The following OSBPL10 variants were observed in gnomAD, a reference collection of about 807,000 sequenced individuals.
OSBPL10 encodes oxysterol-binding protein-related protein 10.
A neutral mutation model predicts 81.7 loss-of-function variants in OSBPL10; 49 were observed. That is an observed-to-expected ratio of 0.60 (90% CI 0.48 to 0.76). The LOEUF (loss-of-function observed/expected upper bound fraction) is 0.76. Among genes scored for constraint, OSBPL10 ranks in the 30% least tolerant of loss-of-function variants. OSBPL10 has a pLI of 0.00. For synonymous variants in OSBPL10, 419 were observed against 383.6 expected, an observed-to-expected ratio of 1.09 and a Z score of -1.08; for missense variants, 923 against 987.8, an observed-to-expected ratio of 0.93 and a Z score of 0.88.
chr3:31,773,486 T>C (rs1698442221), intron 4 of OSBPL10, among the ~76,000 whole-genome samples: 1 of 152,200 alleles, frequency 6.6e-6, no homozygotes, highest in African/African-American at 2.4e-5. Context: ...CTTAGAAATG[T>C]TGCTAACACA....
intron 2 of OSBPL10, among the ~76,000 whole-genome samples, chr3:32,021,407 TAAG>T (rs1699362650): frequency 6.6e-6 from 1 of 152,240 alleles, no homozygotes; most frequent in African/African-American, 2.4e-5. Context: ...TTTAACATTT[TAAG>T]AAGCCATTTG....
At chr3:31,669,635 G>C (rs769787619) in intron 9 of OSBPL10, among the ~76,000 whole-genome samples, 1 of 152,094 alleles carries the variant, frequency 6.6e-6, no homozygotes, top group Non-Finnish European at 1.5e-5. Context: ...GGAGATTTGC[G>C]ACCTCTCTTT....
At chr3:32,040,229 A>T in intron 2 of OSBPL10, among the ~76,000 whole-genome samples, 1 of 152,078 alleles carries the variant, frequency 6.6e-6, no homozygotes, top group East Asian at 1.9e-4. Context: ...CAACATGGTG[A>T]ACCCCTGTCT....
At chr3:31,898,025 AAAAAAAAAAAAAC>A (rs1349085640) in intron 1 of OSBPL10, among the ~76,000 whole-genome samples, 20 of 106,906 alleles carry the variant, frequency 1.9e-4, no homozygotes, top group East Asian at 1.3e-3. Flanking sequence ...AAAAAAAAAA[AAAAAAAAAAAAAC>A]AGAAGAAGAA....
intron 2 of OSBPL10, among the ~76,000 whole-genome samples, chr3:32,041,594 C>T (rs1192660659): frequency 6.6e-6 from 1 of 152,160 alleles, no homozygotes; most frequent in Non-Finnish European, 1.5e-5. Flanking sequence ...AACATTGATG[C>T]CTCTCTTGTG....
At position 31,962,624 on chromosome 3, in the gene OSBPL10, C is replaced by T. The variant is rs150211870; in HGVS notation, c.281+18275G>A. Among the ~76,000 whole-genome samples the T allele has an allele frequency of 2.7e-4, 41 of 152,142 alleles. 1 individual carries two copies. The highest frequency in any genetic ancestry group is 9.4e-4 in the African/African-American group (39 of 41,498). On this transcript the variant is annotated intron_variant, in intron 1 of 11. Coordinates refer to ENST00000396556, the MANE Select transcript of OSBPL10 (RefSeq NM_017784.5). ...TGCCTGATTCCAGGGGGCTTTTACC[C>T]GCAAGAAATGTACAGTTAGGGTTTC...
At chr3:31,901,795 T>C (rs1013077302) in intron 1 of OSBPL10, among the ~76,000 whole-genome samples, 4 of 152,300 alleles carry the variant, frequency 2.6e-5, no homozygotes, top group African/African-American at 9.6e-5. Flanking sequence ...CCCAGCACTT[T>C]GGGAAGCCAA....
At chr3:31,815,809 CCAA>C (rs1169614627) in intron 4 of OSBPL10, among the ~76,000 whole-genome samples, 1 of 152,162 alleles carries the variant, frequency 6.6e-6, no homozygotes, top group Non-Finnish European at 1.5e-5. Flanking sequence ...ATGAACTCAG[CCAA>C]CGTCTCTCTG....
At chr3:32,020,768 C>A (rs1699357249) in intron 2 of OSBPL10, among the ~76,000 whole-genome samples, 1 of 151,626 alleles carries the variant, frequency 6.6e-6, no homozygotes, top group South Asian at 2.1e-4. Flanking sequence ...GCAAGAGAGC[C>A]ACCAGTGAGT....
chr3:31,932,371 G>C (rs969111783), intron 1 of OSBPL10, among the ~76,000 whole-genome samples: 1 of 151,984 alleles, frequency 6.6e-6, no homozygotes, highest in Non-Finnish European at 1.5e-5. Flanking sequence ...AAGTGATTTC[G>C]CTTCCTGCCT....
rs1195132212 is a variant in OSBPL10 at position 32,000,292 on chromosome 3, G to C, written n.298+46199C>G. On this transcript the variant is annotated intron_variant and non_coding_transcript_variant, in intron 2 of 3. Coordinates refer to the OSBPL10 transcript ENST00000479173. The stretch of plus-strand genomic sequence containing the variant: ...ACTCTAGATAAAGGAGAAAAACTAA[G>C]ATCAGAGTTATATTCGGCTTATAAT... 1.3e-5 allele frequency among the ~76,000 whole-genome samples: 2 copies of C among 152,150 alleles called. 1 individual carries two copies.
At chr3:31,700,612 G>A (rs945337171) in intron 7 of OSBPL10, 2 of 152,120 alleles carry the variant, frequency 1.3e-5, no homozygotes, top group African/African-American at 4.8e-5. Flanking sequence ...TTTAGAAATG[G>A]TGGCCTGACC....
intron 5 of OSBPL10, among the ~76,000 whole-genome samples, chr3:31,746,832 G>C (rs1697539936): frequency 6.6e-6 from 1 of 151,462 alleles, no homozygotes; most frequent in Non-Finnish European, 1.5e-5. Flanking sequence ...GTGGGGTGGG[G>C]GGGAGGGAGG....
At chr3:31,989,091 G>A in intron 2 of OSBPL10, 1 of 1,614,052 alleles carries the variant, frequency 6.2e-7, no homozygotes. Flanking sequence ...TGTTACGTGA[G>A]GAAGCAGCTC....
At chr3:31,726,079 T>C (rs1245126210) in intron 6 of OSBPL10, among the ~76,000 whole-genome samples, 2 of 152,124 alleles carry the variant, frequency 1.3e-5, no homozygotes, top group African/African-American at 2.4e-5. Context: ...CAAAAGCCAA[T>C]ACTGTATTTT....
chr3:31,744,608 A>C (rs1055685068), intron 5 of OSBPL10, among the ~76,000 whole-genome samples: 9 of 151,598 alleles, frequency 5.9e-5, no homozygotes, highest in African/African-American at 2.2e-4. Flanking sequence ...GGTGGGAGAG[A>C]GAGCACAGGG....
intron 4 of OSBPL10, among the ~76,000 whole-genome samples, chr3:31,820,420 C>T (rs1036686013): frequency 2.0e-5 from 3 of 151,952 alleles, no homozygotes; most frequent in African/African-American, 7.3e-5. Context: ...TATGGTGAAA[C>T]CCCGTTTCTA....
intron 1 of OSBPL10, among the ~76,000 whole-genome samples, chr3:31,919,781 G>A (rs1287856454): frequency 6.6e-6 from 1 of 152,190 alleles, no homozygotes; most frequent in Non-Finnish European, 1.5e-5. Flanking sequence ...CCTGGGCTGA[G>A]GAAAACAGGA....
At chr3:32,018,148 C>CAATAAATAAATA (rs199908017) in intron 2 of OSBPL10, among the ~76,000 whole-genome samples, 18 of 141,904 alleles carry the variant, frequency 1.3e-4, no homozygotes, top group African/African-American at 3.4e-4. Flanking sequence ...AACTCCATCT[C>CAATAAATAAATA]AATAAATAAA....
Sources: gnomAD v4.1 joint callset for allele counts (sites outside exome capture counted in the v4.1 genomes callset) on GRCh38, gnomAD v4.1.1 for gene constraint, MANE v1.5 for transcripts, NCBI Gene and HGNC (gene_info 2026-07-23, HGNC 2026-07-21) for gene names.